The following FASN variants were observed in gnomAD, a reference collection of about 807,000 sequenced individuals.
The protein encoded by FASN is 3-hydroxyacyl-[acyl-carrier-protein] dehydratase.
FASN carries 50 observed loss-of-function variants against 250.0 expected under a neutral mutation model. The observed-to-expected ratio is 0.20, with a 90% CI of 0.16 to 0.25. The LOEUF (loss-of-function observed/expected upper bound fraction) is 0.25. Ranked by LOEUF, FASN falls within the 10% of genes least tolerant of loss-of-function variation. FASN has a pLI of 1.00. For synonymous variants in FASN, 1,909 were observed against 1,584.0 expected (o/e 1.21, Z -4.87); for missense variants, 3,031 against 3,498.5 (o/e 0.87, Z 3.37).
intron 12 of FASN, 81 bp downstream of exon 12, chr17:82,089,551 A>G: frequency 6.5e-7 from 1 of 1,544,432 alleles, no homozygotes; most frequent in South Asian, 1.2e-5. Context: ...GGTGGGGCGT[A>G]GACCGTGGCC....
At chr17:82,082,806 A>G (rs1466403319) in intron 33 of FASN, 108 bp downstream of exon 33, 11 of 1,544,092 alleles carry the variant, frequency 7.1e-6, no homozygotes, top group Middle Eastern at 1.8e-4. Flanking sequence ...GGAGGGGGAC[A>G]GACCCCAGGC....
rs372061454 is a variant in FASN at position 82,089,366 on chromosome 17, C to T, written c.1984G>A (p.Val662Met). ...SGPQAPVFEF[V>M]EQLRKEGVFA... ...ACACCCTCCTTCCTCAGCTGCTCCA[C>T]GAACTCAAACACCGGGGCCTGGACA... The change falls in exon 13 of 43, where the codon GTG becomes ATG. Residue 662 changes from valine to methionine, a missense_variant. By Grantham distance (21) the Val-to-Met change is conservative (BLOSUM62 1). Transcript: ENST00000306749. 37 of 1,612,722 alleles carry T rather than the reference C, an allele frequency of 2.3e-5. No individual in the cohort carries two copies. The highest frequency in any genetic ancestry group is 6.7e-5 in the Admixed American group (4 of 60,008).
Position 82,080,230 on chromosome 17 carries a change from C to G in FASN, c.7056G>C (p.Arg2352=). Residue 2352 remains arginine (R), a synonymous_variant, in exon 41 of 43, where the codon CGG becomes CGC. Coordinates refer to ENST00000306749, the MANE Select transcript of FASN (RefSeq NM_004104.5). The stretch of plus-strand genomic sequence containing the variant: ...CCTCACAGCCTGGGGTCAGCTTTGC[C>G]CGGTAGCTCTGAGAGGAAGGAGGGA... ...TYVLAYTQSY[R]AKLTPGCEAE... is the part of the protein sequence containing the mutation. 2 of 1,613,120 alleles carry G rather than the reference C, an allele frequency of 1.2e-6. No homozygotes were observed. The highest frequency in any genetic ancestry group is 1.7e-6 in the Non-Finnish European group (2 of 1,180,022).
intron 8 of FASN, 81 bp downstream of exon 8, chr17:82,092,374 A>G: frequency 6.9e-7 from 1 of 1,448,268 alleles, no homozygotes; most frequent in Non-Finnish European, 9.4e-7. Context: ...TGGCAAAGAG[A>G]AAGCAGCAGT....
At chr17:82,089,426 C>T (rs1271829183) in intron 12 of FASN, 42 bp from the exon 13 acceptor site, 2 of 1,612,574 alleles carry the variant, frequency 1.2e-6, no homozygotes, top group Non-Finnish European at 1.7e-6. Flanking sequence ...TGGCTGGGCA[C>T]CCACCTCAGG....
rs546283360 is a variant in FASN, at chr17:82,082,827, C to T, written c.5767+87G>A. ...GGACAGACCCCAGGCACCGTGACAG[C>T]CCACAATGGTGGGCTGCAGAGAAGG... On this transcript the variant is annotated intron_variant, in intron 33 of 42. Coordinates refer to ENST00000306749, the MANE Select transcript of FASN (RefSeq NM_004104.5). The T allele has an allele frequency of 3.8e-6, 6 of 1,565,886 alleles. No homozygotes were observed. In the South Asian group the frequency reaches 4.5e-5, roughly 12 times the overall value.
Position 82,092,951 on chromosome 17 carries a change from C to T in FASN, c.724G>A (p.Val242Met). ...CCGGCGTTCAGGATGGTGGCGTACA[C>T]CCGCCGGGCCAGGGACTTCTTGGTC... ...LLTKKSLARR[V>M]YATILNAGTN... The change falls in exon 6 of 43, where the codon GTG becomes ATG. Residue 242 changes from valine (V) to methionine (M), a missense_variant. Transcript: ENST00000306749. 1 of 1,610,898 alleles carries T rather than the reference C, an allele frequency of 6.2e-7. No individual in the cohort carries two copies. The highest frequency in any genetic ancestry group is 1.1e-5 in the South Asian group (1 of 90,638).
chr17:82,087,052 T>C lies in FASN; in HGVS notation c.3425A>G (p.Lys1142Arg). ...AALQEELQLCKGLVQALQTKV... is the reference protein window; with the variant it reads ...AALQEELQLCRGLVQALQTKV... ...AGCCAGCAGGGCTGGGACCTCACCC[T>C]TGCACAGTTGCAGCTCCTCCTGCAG... The change falls in exon 21 of 43, where the codon AAG becomes AGG. Residue 1142 changes from lysine to arginine, a missense_variant and splice_region_variant. Lys to Arg is a conservative substitution (Grantham distance 26). Coordinates refer to ENST00000306749, the MANE Select transcript of FASN (RefSeq NM_004104.5). The C allele has an allele frequency of 6.2e-7, 1 of 1,611,048 alleles. No homozygotes were observed. The highest frequency in any genetic ancestry group is 8.5e-7 in the Non-Finnish European group (1 of 1,179,876).
At chr17:82,096,247 G>A (rs2034300389) in intron 2 of FASN, 72 bp downstream of exon 2, 3 of 1,590,986 alleles carry the variant, frequency 1.9e-6, no homozygotes, top group South Asian at 2.2e-5. Context: ...GCACAGCAGG[G>A]AGGCTGCTGT....
intron 3 of FASN, among the ~76,000 whole-genome samples, 166 bp downstream of exon 3, chr17:82,095,152 ACC>A (rs1568118665): frequency 2.0e-5 from 3 of 152,168 alleles, no homozygotes; most frequent in Admixed American, 1.3e-4. Flanking sequence ...ACTGCGGCCT[ACC>A]CCGTGGCCCA....
In FASN at chr17:82,080,409, C is replaced by A. The variant is rs1445016441; in HGVS notation, c.7008G>T (p.Leu2336=). Residue 2336 remains leucine, a synonymous_variant, in exon 40 of 43, where the codon CTG becomes CTT. Transcript: ENST00000306749. ...GTACGTAGGTGGGCGAGCCGTCGAA[C>A]AGGAAGAGGCTGTTGTGGGTGGGGG... is the stretch of plus-strand genomic sequence containing the variant. The part of the protein sequence containing the change: ...SPAPTHNSLF[L]FDGSPTYVLA... 2.5e-6 allele frequency: 4 copies of A among 1,603,254 alleles called. No individual in the cohort carries two copies. In the South Asian group the frequency reaches 4.5e-5, roughly 18 times the overall value.
Position 82,085,414 on chromosome 17 carries a change from G to C in FASN, c.4123-12C>G. 2.5e-6 allele frequency: 4 copies of C among 1,607,716 alleles called. No individual in the cohort carries two copies. Among genetic ancestry groups the C allele is most frequent in the Non-Finnish European group, 3.4e-6 (4 of 1,177,994 alleles). ...CTCTCCCACGCGTCCTGTGGGGGCG[G>C]TGGTCAGCACCCTGCCCGCCTGGCC... On this transcript the variant is annotated splice_polypyrimidine_tract_variant and intron_variant, in intron 23 of 42. Transcript: ENST00000306749.
Position 82,081,128 on chromosome 17 carries a change from C to T in FASN, c.6595+36G>A, listed in dbSNP as rs370749603. On this transcript the variant is annotated intron_variant, in intron 38 of 42. Coordinates refer to ENST00000306749, the MANE Select transcript of FASN (RefSeq NM_004104.5). ...ACAAGGAGGAAGGGCTGGGGAGGCC[C>T]GGGGACCCCACTCCCGCCTGGCCAC... The T allele has an allele frequency of 2.0e-4, 310 of 1,550,344 alleles. 1 individual carries two copies. In the African/African-American group the frequency reaches 2.9e-3, roughly 15 times the overall value.
chr17:82,083,371 A>G lies in FASN; in HGVS notation c.5396T>C (p.Phe1799Ser). 6.2e-7 allele frequency: 1 copy of G among 1,612,814 alleles called. No individual in the cohort carries two copies. The highest frequency in any genetic ancestry group is 8.5e-7 in the Non-Finnish European group (1 of 1,179,998). Reference protein sequence around the residue: ...VTFHGVLLDAFFNESSADWRE... With the variant: ...VTFHGVLLDASFNESSADWRE... The stretch of plus-strand genomic sequence containing the variant: ...CCAGTCAGCACTGCTCTCGTTGAAG[A>G]ACGCATCCAGTAGGACCCCGTGGAA... The change falls in exon 32 of 43, where the codon TTC (phenylalanine) becomes TCC (serine). Residue 1799 changes from phenylalanine to serine, a missense_variant. Phe to Ser is a radical substitution (Grantham distance 155, BLOSUM62 -2). Coordinates refer to ENST00000306749, the MANE Select transcript of FASN (RefSeq NM_004104.5).
Position 82,093,212 on chromosome 17 carries a change from C to T in FASN, c.655+7G>A. ...CGCCTGCCCTGGCCGCGCAGCCGCACACTCACCCGCTGTGTCGAAGGCCTT... is the reference window on the plus strand; with the variant it reads ...CGCCTGCCCTGGCCGCGCAGCCGCATACTCACCCGCTGTGTCGAAGGCCTT... On this transcript the variant is annotated splice_region_variant and intron_variant, in intron 5 of 42. Coordinates refer to ENST00000306749, the MANE Select transcript of FASN (RefSeq NM_004104.5). 6.4e-7 allele frequency: 1 copy of T among 1,572,764 alleles called. No individual in the cohort carries two copies. Among genetic ancestry groups the T allele is most frequent in the Non-Finnish European group, 8.6e-7 (1 of 1,159,962 alleles).
Position 82,093,595 on chromosome 17 carries a change from C to T in FASN, c.454+3G>A. ...CCTCCGCAGGAGGCTGGGCAGGACC[C>T]ACCTCTGAAGTCGAAGAAGAAGGAG... On this transcript the variant is annotated splice_donor_region_variant and intron_variant, in intron 4 of 42. Coordinates refer to ENST00000306749, the MANE Select transcript of FASN (RefSeq NM_004104.5). The T allele has an allele frequency of 6.2e-7, 1 of 1,612,782 alleles. No homozygotes were observed. The highest frequency in any genetic ancestry group is 1.7e-5 in the Admixed American group (1 of 60,022).
intron 24 of FASN, 40 bp from the exon 25 acceptor site, chr17:82,085,196 T>C (rs1755503925): frequency 2.5e-6 from 4 of 1,611,976 alleles, no homozygotes; most frequent in Non-Finnish European, 3.4e-6. Flanking sequence ...ACTCGGCAAG[T>C]TGGGAGGTGG....
chr17:82,093,445 G>A, intron 4 of FASN, 26 bp from the exon 5 acceptor site: 1 of 1,591,038 alleles, frequency 6.3e-7, no homozygotes, highest in Non-Finnish European at 8.5e-7. Flanking sequence ...CTGCGGCTCA[G>A]GTGGGGCTGT....
chr17:82,085,473 C>G lies in FASN; in HGVS notation c.4122+9G>C, dbSNP rs17848939. 1 of 1,587,640 alleles carries G rather than the reference C, an allele frequency of 6.3e-7. No individual in the cohort carries two copies. The highest frequency in any genetic ancestry group is 1.1e-5 in the South Asian group (1 of 87,796). On this transcript the variant is annotated intron_variant, in intron 23 of 42. Coordinates refer to ENST00000306749, the MANE Select transcript of FASN (RefSeq NM_004104.5). Reference sequence around the variant, plus strand: ...GCCCCCACCCTGTCCCCCTGCCCGGCGGCCGCACCTGGCTCAGGATGCCCT... The same window carrying G: ...GCCCCCACCCTGTCCCCCTGCCCGGGGGCCGCACCTGGCTCAGGATGCCCT...
Sources: gnomAD v4.1 joint callset for allele counts (sites outside exome capture counted in the v4.1 genomes callset) on GRCh38, gnomAD v4.1.1 for gene constraint, MANE v1.5 for transcripts, NCBI Gene and HGNC (gene_info 2026-07-23, HGNC 2026-07-21) for gene names.